Variants in NETO2 observed in about 807,000 individuals in gnomAD.
NETO2 encodes the protein neuropilin and tolloid like 2.
NETO2 carries 28 observed loss-of-function variants against 62.5 expected under a neutral mutation model. The observed-to-expected ratio is 0.45, with a 90% confidence interval of 0.33 to 0.61. The LOEUF (loss-of-function observed/expected upper bound fraction) is 0.61. Ranked by LOEUF, NETO2 falls within the 20% of genes least tolerant of loss-of-function variation. The probability of loss-of-function intolerance (pLI) is 0.02; values close to 1 mark genes in which losing one functional copy is unlikely to be tolerated. For synonymous variants in NETO2, 214 were observed against 219.1 expected, an observed-to-expected ratio of 0.98 and a Z score of 0.21; for missense variants, 548 against 643.2, an observed-to-expected ratio of 0.85 and a Z score of 1.60.
chr16:47,143,438 T>C (rs1171404534), intron 1 of NETO2, 141 bp downstream of exon 1: 1 of 1,056,006 alleles, frequency 9.5e-7, no homozygotes, highest in Non-Finnish European at 1.2e-6. Context: ...CGCGGTCCGC[T>C]CCGAGTAGCC....
chr16:47,118,613 A>C (rs1026720555), intron 6 of NETO2, among the ~76,000 whole-genome samples: 1 of 152,238 alleles, frequency 6.6e-6, no homozygotes, highest in Non-Finnish European at 1.5e-5. Flanking sequence ...ATTATTTATA[A>C]TATTCTCTTA....
intron 8 of NETO2, among the ~76,000 whole-genome samples, chr16:47,085,238 A>G (rs16952155): frequency 0.02 from 3,103 of 152,360 alleles, 107 homozygotes; most frequent in African/African-American, 0.07. Context: ...AGAATCTGCA[A>G]GTTGACTTTT....
intron 7 of NETO2, among the ~76,000 whole-genome samples, chr16:47,097,533 A>G (rs1383558979): frequency 6.6e-6 from 1 of 152,218 alleles, no homozygotes; most frequent in Non-Finnish European, 1.5e-5. Context: ...TCAGGGGCTT[A>G]TAGATAAAAC....
chr16:47,089,072 T>G (rs1311107389), intron 7 of NETO2, among the ~76,000 whole-genome samples: 2 of 152,190 alleles, frequency 1.3e-5, no homozygotes, highest in African/African-American at 4.8e-5. Context: ...TAGGGTTCAT[T>G]TATCCCTTCC....
chr16:47,138,637 T>C (rs961725978), intron 1 of NETO2, among the ~76,000 whole-genome samples: 16 of 152,200 alleles, frequency 1.1e-4, no homozygotes, highest in African/African-American at 3.6e-4. Flanking sequence ...TAAATGGACA[T>C]TTCTAGACAA....
rs941443403 is a variant in NETO2, at chr16:47,128,262, A to C, written c.481+63T>G. On this transcript the variant is annotated intron_variant, in intron 4 of 8. Coordinates refer to ENST00000562435, the MANE Select transcript of NETO2 (RefSeq NM_018092.5). The stretch of plus-strand genomic sequence containing the variant: ...CCAAATTAATCTCTTTTCTAACCTT[A>C]AGATTCTAAAATCAGAGTTAGAGTG... 3.9e-6 allele frequency: 6 copies of C among 1,536,230 alleles called. No individual in the cohort carries two copies. The African/African-American group carries it at 8.3e-5, about 21-fold the overall frequency.
intron 6 of NETO2, among the ~76,000 whole-genome samples, chr16:47,116,656 C>T (rs1031428482): frequency 6.6e-6 from 1 of 152,154 alleles, no homozygotes. Context: ...ATGTTCCCTG[C>T]TCTTTCATTT....
chr16:47,084,281 TTCATG>T (rs1180820899), intron 8 of NETO2, among the ~76,000 whole-genome samples: 1 of 152,204 alleles, frequency 6.6e-6, no homozygotes, highest in East Asian at 1.9e-4. Context: ...CTGAAAACAC[TTCATG>T]TCGAGTATTT....
At chr16:47,115,748 T>TATATATATATA (rs1163632223) in intron 6 of NETO2, among the ~76,000 whole-genome samples, 1 of 145,786 alleles carries the variant, frequency 6.9e-6, no homozygotes, top group African/African-American at 2.6e-5. Flanking sequence ...TATATATATA[T>TATATATATATA]TTTGTAGGGG....
At position 47,080,583 on chromosome 16, in the gene NETO2, C is replaced by T. The variant is rs887463465; in HGVS notation, c.*2638G>A. 1 of 152,164 alleles carries T rather than the reference C, an allele frequency of 6.6e-6. No individual in the cohort carries two copies. The highest frequency in any genetic ancestry group is 2.4e-5 in the African/African-American group (1 of 41,436). The allele number at this position is 152,164 out of a possible 1,614,324, so 9.4% of individuals were successfully genotyped here. On this transcript the variant is annotated 3_prime_UTR_variant, in exon 9 of 9. Coordinates refer to ENST00000562435, the MANE Select transcript of NETO2 (RefSeq NM_018092.5). Reference sequence around the variant, plus strand: ...TTATTAGTTCCATTCTTACCTCTTCCAAAAGCATAGAGAAGTTTAATAAAT... The same window carrying T: ...TTATTAGTTCCATTCTTACCTCTTCTAAAAGCATAGAGAAGTTTAATAAAT...
intron 6 of NETO2, 122 bp downstream of exon 6, chr16:47,122,535 T>A: frequency 9.7e-7 from 1 of 1,033,438 alleles, no homozygotes. Flanking sequence ...AAATACATTT[T>A]AAAAAGTTGC....
intron 7 of NETO2, among the ~76,000 whole-genome samples, chr16:47,108,793 T>C (rs1042644372): frequency 6.6e-6 from 1 of 152,192 alleles, no homozygotes; most frequent in Non-Finnish European, 1.5e-5. Flanking sequence ...TAATTTTCAG[T>C]TTTACTCTGG....
At chr16:47,139,318 T>C (rs1175677708) in intron 1 of NETO2, among the ~76,000 whole-genome samples, 1 of 152,184 alleles carries the variant, frequency 6.6e-6, no homozygotes, top group Admixed American at 6.5e-5. Context: ...CTTTTTTAAA[T>C]GCGAGCACAA....
chr16:47,122,216 G>C (rs1001181395), intron 6 of NETO2, among the ~76,000 whole-genome samples: 2 of 152,168 alleles, frequency 1.3e-5, no homozygotes, highest in African/African-American at 4.8e-5. Flanking sequence ...GGATGGCAGG[G>C]TAAGAACAGA....
chr16:47,097,935 T>C (rs1266345433), intron 7 of NETO2, among the ~76,000 whole-genome samples: 1 of 152,172 alleles, frequency 6.6e-6, no homozygotes, highest in Non-Finnish European at 1.5e-5. Context: ...CAGAGGGGCC[T>C]GACTGTTAGA....
At chr16:47,133,175 G>A (rs191189026) in intron 1 of NETO2, among the ~76,000 whole-genome samples, 19 of 152,206 alleles carry the variant, frequency 1.2e-4, no homozygotes, top group African/African-American at 4.6e-4. Flanking sequence ...ATTCTGCTGG[G>A]GGTTAAGGGA....
At chr16:47,085,139 A>G (rs1323560389) in intron 8 of NETO2, among the ~76,000 whole-genome samples, 1 of 152,236 alleles carries the variant, frequency 6.6e-6, no homozygotes, top group Non-Finnish European at 1.5e-5. Context: ...TTTATCTTTC[A>G]GTGAGTACAC....
rs1486407790 is a variant in NETO2 at position 47,129,339 on chromosome 16, A to C, written c.117T>G (p.His39Gln). 6.2e-7 allele frequency: 1 copy of C among 1,614,032 alleles called. No individual in the cohort carries two copies. Among genetic ancestry groups the C allele is most frequent in the South Asian group, 1.1e-5 (1 of 91,084 alleles). Residue 39 changes from histidine to glutamine, a missense_variant, in exon 3 of 9, where the codon CAT becomes CAG. His to Gln is a conservative substitution (Grantham distance 24). Transcript: ENST00000562435. ...AAATGCCACACTGGGTTGCAGGAAT[A>C]TGCTTGATTCCAATATTTTGTCCAT... ...TQDGQNIGIK[H>Q]IPATQCGIWV...
intron 6 of NETO2, among the ~76,000 whole-genome samples, chr16:47,122,272 TG>T (rs1387017373): frequency 3.3e-5 from 5 of 152,172 alleles, no homozygotes; most frequent in Non-Finnish European, 5.9e-5. Flanking sequence ...CGACCAACTC[TG>T]TAACTTTTGA....
Sources: gnomAD v4.1 joint callset for allele counts (sites outside exome capture counted in the v4.1 genomes callset) on GRCh38, gnomAD v4.1.1 for gene constraint, MANE v1.5 for transcripts, NCBI Gene and HGNC (gene_info 2026-07-23, HGNC 2026-07-21) for gene names.